Variants in STS observed in about 807,000 individuals in gnomAD.
STS encodes steryl-sulfatase.
A neutral mutation model predicts 26.8 loss-of-function variants in STS; 7 were observed. The observed-to-expected ratio is 0.26, with a 90% confidence interval of 0.15 to 0.49. The LOEUF (loss-of-function observed/expected upper bound fraction) is 0.49, where lower values mean the gene tolerates loss of function less well. Among genes scored for constraint, STS ranks in the 20% least tolerant of loss-of-function variants. The pLI is 0.98. For missense variants in STS, 434 were observed against 465.6 expected, an observed-to-expected ratio of 0.93 and a Z score of 0.63; for synonymous variants, 199 against 189.4, an observed-to-expected ratio of 1.05 and a Z score of -0.42.
At chrX:7,323,132 T>C (rs185003827) in intron 8 of STS, among the ~76,000 whole-genome samples, 16 of 111,956 alleles carry the variant, frequency 1.4e-4, no homozygotes, top group African/African-American at 5.2e-4. Flanking sequence ...TACAGAAAGC[T>C]GAAGCTATTT....
rs1886536104 is a variant in STS, at chrX:7,349,910, T to C, written c.1386T>C (p.Phe462=). The change falls in exon 11 of 11, where the codon TTT becomes TTC. Residue 462 remains phenylalanine, a synonymous_variant. Transcript: ENST00000674429. ...CAGGCACATCCATCTGGAAGGCCTT[T>C]TTCTTCACCCCCAACTTCAACCCCG... ...PQNSTSIWKA[F]FFTPNFNPVG... 8.3e-7 allele frequency: 1 copy of C among 1,210,174 alleles called. No individual in the cohort carries two copies. Among genetic ancestry groups the C allele is most frequent in the African/African-American group, 1.7e-5 (1 of 57,209 alleles).
chrX:7,252,751 A>G (rs1215762211), intron 2 of STS, among the ~76,000 whole-genome samples: 1 of 111,899 alleles, frequency 8.9e-6, no homozygotes, highest in Non-Finnish European at 1.9e-5. Flanking sequence ...GACATGGACG[A>G]TGGATGAATT....
chrX:7,204,475 TCCTTCCTCCCTC>T (rs1934147235), intron 2 of STS, among the ~76,000 whole-genome samples: 1 of 108,229 alleles, frequency 9.2e-6, no homozygotes, highest in South Asian at 4.2e-4. Context: ...TCCCCTTCTT[TCCTTCCTCCCTC>T]CCTTCCTTCC....
chrX:7,267,710 T>C, intron 6 of STS, among the ~76,000 whole-genome samples: 1 of 112,366 alleles, frequency 8.9e-6, no homozygotes, highest in Non-Finnish European at 1.9e-5. Context: ...ATAATCTGTA[T>C]AGTATGTTAT....
At chrX:7,219,483 G>A in intron 2 of STS, 1 of 1,120,886 alleles carries the variant, frequency 8.9e-7, no homozygotes. Context: ...GCCTCCAGCA[G>A]CTGACGGGAC....
chrX:7,327,290 T>A (rs1927522969), intron 9 of STS, among the ~76,000 whole-genome samples: 1 of 110,916 alleles, frequency 9.0e-6, no homozygotes, highest in Non-Finnish European at 1.9e-5. Flanking sequence ...AGAGAGTCTC[T>A]GGATCACGCT....
intron 6 of STS, among the ~76,000 whole-genome samples, chrX:7,264,648 G>A (rs1297323874): frequency 8.9e-6 from 1 of 112,201 alleles, no homozygotes; most frequent in African/African-American, 3.2e-5. Context: ...GCTGAAGATG[G>A]CCAAGATGAA....
chrX:7,322,634 C>T (rs1357373497), intron 8 of STS, among the ~76,000 whole-genome samples: 1 of 111,998 alleles, frequency 8.9e-6, no homozygotes, highest in Non-Finnish European at 1.9e-5. Context: ...CTGCTGACCT[C>T]AGGTGATCCA....
At position 7,349,998 on chromosome X, in the gene STS, C is replaced by T. The variant is rs1331328650; in HGVS notation, c.1474C>T (p.His492Tyr). 8.3e-7 allele frequency: 1 copy of T among 1,211,782 alleles called. No homozygotes were observed. Among genetic ancestry groups the T allele is most frequent in the African/African-American group, 1.7e-5 (1 of 57,807 alleles). ...CTGTTTCGGGAGTTATGTCACCCAT[C>T]ACGACCCACCTTTACTCTTTGATAT... ...CFCFGSYVTHHDPPLLFDISK... is the reference protein window; with the variant it reads ...CFCFGSYVTHYDPPLLFDISK... Residue 492 changes from histidine to tyrosine, a missense_variant, in exon 11 of 11, where the codon CAC (histidine) becomes TAC (tyrosine). By Grantham distance (83) the His-to-Tyr change is moderately conservative. Coordinates refer to ENST00000674429, the MANE Select transcript of STS (RefSeq NM_001320752.2).
chrX:7,238,619 A>T (rs1922441868), intron 2 of STS, among the ~76,000 whole-genome samples: 1 of 111,153 alleles, frequency 9.0e-6, no homozygotes, highest in Admixed American at 9.6e-5. Flanking sequence ...CCATGAGTCC[A>T]AGAGTTTGTG....
intron 1 of STS, among the ~76,000 whole-genome samples, chrX:7,172,866 G>A (rs145933194): frequency 1.8e-5 from 2 of 111,943 alleles, no homozygotes; most frequent in East Asian, 2.8e-4. Flanking sequence ...GATACCTGTT[G>A]GAAGTCTTGC....
Position 7,240,535 on chromosome X carries a change from A to G in STS, c.-4-12661A>G, listed in dbSNP as rs200804450. ...TGTGTGTGTGTGTGTGTGTGTGTGT[A>G]TATATATATATATATATAAAATGGA... On this transcript the variant is annotated intron_variant, in intron 2 of 10. Coordinates refer to ENST00000674429, the MANE Select transcript of STS (RefSeq NM_001320752.2). Among the ~76,000 whole-genome samples the G allele has an allele frequency of 7.8e-3, 294 of 37,588 alleles. 2 individuals carry two copies. The highest frequency in any genetic ancestry group is 0.01 in the Non-Finnish European group (192 of 18,374). 32.6% of individuals were successfully genotyped at this position (37,588 alleles called of 115,157 possible).
chrX:7,255,354 T>C (rs1327393660), intron 3 of STS, among the ~76,000 whole-genome samples: 1 of 112,233 alleles, frequency 8.9e-6, no homozygotes, highest in East Asian at 2.8e-4. Flanking sequence ...ATAGATCTTA[T>C]TAATTTAGTT....
Position 7,263,767 on chromosome X carries a change from G to GTA in STS, c.806+4005_806+4006dup, listed in dbSNP as rs761456707. On this transcript the variant is annotated intron_variant, in intron 6 of 10. Coordinates refer to ENST00000674429, the MANE Select transcript of STS (RefSeq NM_001320752.2). ...TTGGTGTTGTGTTGCGTTTGTGTGT[G>GTA]TATATATATATGTATGTGTAAATAT... Among the ~76,000 whole-genome samples, 5 of 110,213 alleles carry GTA rather than the reference G, an allele frequency of 4.5e-5. No homozygotes were observed. In the East Asian group the frequency reaches 8.5e-4, roughly 19 times the overall value.
intron 8 of STS, among the ~76,000 whole-genome samples, chrX:7,320,002 TTATATATATATTTATATATATTTA>T (rs1446257986): frequency 1.2e-5 from 1 of 81,153 alleles, no homozygotes; most frequent in African/African-American, 5.8e-5. Flanking sequence ...ATATATATTT[TTATATATATATTTATATATATTTA>T]TATATATATT....
At chrX:7,349,284 A>G (rs1162543239) in intron 10 of STS, among the ~76,000 whole-genome samples, 4 of 84,369 alleles carry the variant, frequency 4.7e-5, no homozygotes, top group Non-Finnish European at 6.6e-5. Flanking sequence ...TATTACAAGC[A>G]TGAGCCGCTG....
At chrX:7,210,546 C>G (rs1326117772) in intron 2 of STS, among the ~76,000 whole-genome samples, 1 of 104,888 alleles carries the variant, frequency 9.5e-6, no homozygotes, top group African/African-American at 3.4e-5. Flanking sequence ...ATAATAAACA[C>G]TTAATACATA....
In STS at chrX:7,204,730, C is replaced by A. The variant is rs938626904; in HGVS notation, c.-5+13722C>A. Among the ~76,000 whole-genome samples, 7 of 99,431 alleles carry A rather than the reference C, an allele frequency of 7.0e-5. 1 individual carries two copies. The Admixed American group carries it at 7.9e-4, about 11-fold the overall frequency. The allele number at this position is 99,431 out of a possible 115,157, so 86.3% of individuals were successfully genotyped here. ...TCATTCCTTCATTTTTCCTTCCTTC[C>A]TTCCCTTCTTTCTTCCTTTCTTCCC... On this transcript the variant is annotated intron_variant, in intron 2 of 10. Transcript: ENST00000674429.
chrX:7,270,998 C>CTTCT (rs1555958344), intron 6 of STS, among the ~76,000 whole-genome samples: 5 of 101,277 alleles, frequency 4.9e-5, no homozygotes, highest in East Asian at 3.1e-4. Context: ...TCTTCTTCTT[C>CTTCT]TTTTTTTTTT....
Sources: gnomAD v4.1 joint callset for allele counts (sites outside exome capture counted in the v4.1 genomes callset) on GRCh38, gnomAD v4.1.1 for gene constraint, MANE v1.5 for transcripts, NCBI Gene and HGNC (gene_info 2026-07-23, HGNC 2026-07-21) for gene names.